The following BBS9 variants were observed in gnomAD, a reference collection of about 807,000 sequenced individuals.
The protein encoded by BBS9 is protein PTHB1.
A neutral mutation model predicts 117.7 loss-of-function variants in BBS9; 89 were observed. The ratio of observed to expected loss-of-function variants is 0.76; its 90% CI spans 0.64 to 0.90. The LOEUF (loss-of-function observed/expected upper bound fraction) is 0.90, where lower values mean the gene tolerates loss of function less well. Among genes scored for constraint, BBS9 ranks in the 40% least tolerant of loss-of-function variants. The pLI, the probability that BBS9 is intolerant of heterozygous loss-of-function variation, is 0.00. For missense variants in BBS9, 982 were observed against 1,042.2 expected (o/e 0.94, Z 0.80); for synonymous variants, 379 against 370.9 (o/e 1.02, Z -0.25).
chr7:33,350,036 A>G (rs1283933969), intron 13 of BBS9, among the ~76,000 whole-genome samples: 3 of 152,234 alleles, frequency 2.0e-5, no homozygotes, highest in Non-Finnish European at 4.4e-5. Context: ...AATAGTAGAC[A>G]TGTCATTAAT....
chr7:33,443,956 G>A (rs1027949797), intron 19 of BBS9, among the ~76,000 whole-genome samples: 7 of 152,180 alleles, frequency 4.6e-5, no homozygotes, highest in East Asian at 1.9e-4. Context: ...GAATTGATGA[G>A]CTGTTTGAAT....
intron 21 of BBS9, among the ~76,000 whole-genome samples, chr7:33,586,818 G>T (rs571951355): frequency 6.6e-6 from 1 of 152,100 alleles, no homozygotes; most frequent in Non-Finnish European, 1.5e-5. Context: ...GATACCACAT[G>T]TTCTCACTTA....
intron 18 of BBS9, among the ~76,000 whole-genome samples, chr7:33,385,865 T>C (rs933837176): frequency 6.6e-6 from 1 of 152,176 alleles, no homozygotes; most frequent in African/African-American, 2.4e-5. Flanking sequence ...TTTTATTACT[T>C]AATTTTTGGT....
chr7:33,634,424 G>T lies in BBS9; in HGVS notation c.2522-753G>T, dbSNP rs535097528. ...GCCTCATTTTCCTGTCTGTGAAGCA[G>T]AGATAATAATGCCTATTCACGTGGT... On this transcript the variant is annotated intron_variant, in intron 21 of 21. Transcript: ENST00000671952. 2.6e-5 allele frequency among the ~76,000 whole-genome samples: 4 copies of T among 152,334 alleles called. No homozygotes were observed. In the South Asian group the frequency reaches 8.3e-4, roughly 32 times the overall value.
intron 19 of BBS9, among the ~76,000 whole-genome samples, chr7:33,477,242 C>T (rs1207957504): frequency 6.6e-6 from 1 of 152,148 alleles, no homozygotes; most frequent in Non-Finnish European, 1.5e-5. Context: ...TAAATATTAG[C>T]CATCATCGTC....
Position 33,505,621 on chromosome 7 carries a change from G to A in BBS9, c.2274G>A (p.Pro758=), listed in dbSNP as rs746134918. 18 of 1,613,640 alleles carry A rather than the reference G, an allele frequency of 1.1e-5. No individual in the cohort carries two copies. Among genetic ancestry groups the A allele is most frequent in the East Asian group, 6.7e-5 (3 of 44,896 alleles). Residue 758 remains proline (P), a synonymous_variant, in exon 20 of 23, where the codon CCG becomes CCA. Transcript: ENST00000242067. The stretch of plus-strand genomic sequence containing the variant: ...CTATTCTGGAAGCGGCATTTCTGCC[G>A]CTACAAGAAGACACTCAAGAATTGG... The part of the protein sequence containing the change: ...QVAILEAAFL[P]LQEDTQELGW...
intron 1 of BBS9, among the ~76,000 whole-genome samples, chr7:33,142,133 A>G (rs1198661855): frequency 2.0e-5 from 3 of 151,954 alleles, no homozygotes; most frequent in Non-Finnish European, 4.4e-5. Context: ...GTGTTAGCCA[A>G]GATGGTTTTG....
chr7:33,362,276 A>C (rs1044839152), intron 16 of BBS9, among the ~76,000 whole-genome samples: 3 of 151,634 alleles, frequency 2.0e-5, no homozygotes, highest in Admixed American at 6.6e-5. Flanking sequence ...ATCTTCATAA[A>C]CCCCCCCGTT....
intron 21 of BBS9, among the ~76,000 whole-genome samples, chr7:33,539,619 C>T (rs992842248): frequency 5.9e-5 from 9 of 152,260 alleles, no homozygotes; most frequent in Admixed American, 5.9e-4. Flanking sequence ...AAAAATATTC[C>T]GAGGCATGAT....
chr7:33,595,872 G>A (rs1862666624), intron 21 of BBS9, among the ~76,000 whole-genome samples: 1 of 152,090 alleles, frequency 6.6e-6, no homozygotes. Context: ...TCCTTTACAG[G>A]AACATAGATG....
chr7:33,139,728 A>G (rs913119275), intron 1 of BBS9, among the ~76,000 whole-genome samples: 5 of 147,004 alleles, frequency 3.4e-5, no homozygotes, highest in African/African-American at 4.8e-5. Context: ...TGAGTGTTGT[A>G]TAGTTCTTAC....
intron 19 of BBS9, among the ~76,000 whole-genome samples, chr7:33,497,481 G>A (rs1473887878): frequency 2.0e-5 from 3 of 152,122 alleles, no homozygotes; most frequent in Admixed American, 6.5e-5. Context: ...GGCTTTTTGA[G>A]CTTGAGTTTT....
At chr7:33,393,919 T>A (rs1827505265) in intron 19 of BBS9, among the ~76,000 whole-genome samples, 1 of 152,112 alleles carries the variant, frequency 6.6e-6, no homozygotes, top group Non-Finnish European at 1.5e-5. Flanking sequence ...CCTCCCTATT[T>A]TCAAATGCAG....
chr7:33,496,819 G>A (rs1844788351), intron 19 of BBS9, among the ~76,000 whole-genome samples: 1 of 152,154 alleles, frequency 6.6e-6, no homozygotes, highest in South Asian at 2.1e-4. Flanking sequence ...TGCCTGTCTG[G>A]CATTTAAACC....
chr7:33,390,699 A>C (rs1046297861), intron 19 of BBS9: 3 of 740,894 alleles, frequency 4.0e-6, no homozygotes, highest in Non-Finnish European at 4.9e-6. Context: ...ATAATTTCCC[A>C]AAGAAAATTA....
intron 19 of BBS9, among the ~76,000 whole-genome samples, chr7:33,439,588 G>A (rs1172226964): frequency 8.1e-5 from 12 of 148,526 alleles, no homozygotes; most frequent in Non-Finnish European, 1.6e-4. Context: ...GAGTGCAGTG[G>A]CGCAGTCTTG....
intron 4 of BBS9, among the ~76,000 whole-genome samples, chr7:33,156,549 A>G (rs1794117438): frequency 6.6e-6 from 1 of 152,168 alleles, no homozygotes; most frequent in South Asian, 2.1e-4. Flanking sequence ...AATGATGCAT[A>G]TTTACTGACT....
intron 20 of BBS9, among the ~76,000 whole-genome samples, chr7:33,527,518 C>A (rs979295301): frequency 2.0e-5 from 3 of 152,242 alleles, no homozygotes; most frequent in African/African-American, 2.4e-5. Context: ...TTTCCAGGTG[C>A]GTCCGTCACC....
intron 9 of BBS9, among the ~76,000 whole-genome samples, chr7:33,325,405 T>C (rs1430372033): frequency 6.6e-6 from 1 of 152,218 alleles, no homozygotes; most frequent in African/African-American, 2.4e-5. Context: ...TTGAATTTCT[T>C]TGTGTTTCCT....
Sources: gnomAD v4.1 joint callset for allele counts (sites outside exome capture counted in the v4.1 genomes callset) on GRCh38, gnomAD v4.1.1 for gene constraint, MANE v1.5 for transcripts, NCBI Gene and HGNC (gene_info 2026-07-23, HGNC 2026-07-21) for gene names.